Variants in RERE observed in about 807,000 individuals in gnomAD.
The protein encoded by RERE is arginine-glutamic acid dipeptide repeats, also known as arginine-glutamic acid dipeptide repeats protein.
Under a neutral mutation model 146.1 loss-of-function variants are expected in RERE, and 40 were observed. The ratio of observed to expected loss-of-function variants is 0.27; its 90% CI spans 0.21 to 0.36. The LOEUF (loss-of-function observed/expected upper bound fraction) is 0.36. RERE is among the 10% of genes least tolerant of loss of function. The pLI is 1.00. For missense variants in RERE, 1,933 were observed against 2,138.7 expected, an observed-to-expected ratio of 0.90 and a Z score of 1.90; for synonymous variants, 1,003 against 866.0, an observed-to-expected ratio of 1.16 and a Z score of -2.78.
chr1:8,740,198 A>T (rs1640280987), intron 1 of RERE, among the ~76,000 whole-genome samples: 1 of 152,236 alleles, frequency 6.6e-6, no homozygotes, highest in Admixed American at 6.5e-5. Flanking sequence ...TGTGAACATG[A>T]TAGAGTGTAG....
At chr1:8,401,069 A>ATATATATATG (rs761609705) in intron 12 of RERE, among the ~76,000 whole-genome samples, 338 of 85,052 alleles carry the variant, frequency 4.0e-3, no homozygotes, top group Non-Finnish European at 6.1e-3. Flanking sequence ...ATATATATAT[A>ATATATATATG]TATGTCACTT....
intron 7 of RERE, among the ~76,000 whole-genome samples, chr1:8,538,772 A>C (rs1645759614): frequency 2.0e-5 from 3 of 152,244 alleles, no homozygotes; most frequent in African/African-American, 7.2e-5. Context: ...TGTAGAAGAA[A>C]ATCAGTGGTG....
chr1:8,515,616 G>T (rs1386673892), intron 7 of RERE, among the ~76,000 whole-genome samples: 2 of 152,070 alleles, frequency 1.3e-5, no homozygotes, highest in Non-Finnish European at 2.9e-5. Context: ...GAGTGACAGA[G>T]CAAGACTGTC....
chr1:8,673,333 T>C (rs1570592796), intron 1 of RERE, among the ~76,000 whole-genome samples: 1 of 152,138 alleles, frequency 6.6e-6, no homozygotes, highest in Non-Finnish European at 1.5e-5. Flanking sequence ...TGACCTCAGG[T>C]GATCCACCTG....
chr1:8,695,324 T>TA (rs1003158068), intron 1 of RERE, among the ~76,000 whole-genome samples: 22 of 151,912 alleles, frequency 1.4e-4, no homozygotes, highest in Non-Finnish European at 2.8e-4. Context: ...GAAGAAAACC[T>TA]AAAAAACACC....
chr1:8,562,603 CTCAGCCTCCTGAGTAAG>C (rs1646091823), intron 4 of RERE, among the ~76,000 whole-genome samples: 1 of 152,178 alleles, frequency 6.6e-6, no homozygotes, highest in Non-Finnish European at 1.5e-5. Context: ...ATCCTCCCGC[CTCAGCCTCCTGAGTAAG>C]TAGGAACACA....
chr1:8,570,451 A>C (rs767170967), intron 4 of RERE, among the ~76,000 whole-genome samples: 6 of 152,210 alleles, frequency 3.9e-5, no homozygotes, highest in Non-Finnish European at 8.8e-5. Context: ...AAATAACTAT[A>C]ATTTTTAGAA....
intron 4 of RERE, among the ~76,000 whole-genome samples, chr1:8,577,753 A>G (rs758523344): frequency 4.6e-5 from 7 of 152,186 alleles, no homozygotes; most frequent in Non-Finnish European, 1.0e-4. Flanking sequence ...TTATCACTAC[A>G]TCTTATTCAT....
At chr1:8,506,769 A>ACCTC (rs1557664091) in intron 8 of RERE, among the ~76,000 whole-genome samples, 1 of 152,244 alleles carries the variant, frequency 6.6e-6, no homozygotes, top group Non-Finnish European at 1.5e-5. Flanking sequence ...AAGAAGTCCA[A>ACCTC]TTCTTTCTTC....
chr1:8,597,161 C>T (rs1646564878), intron 4 of RERE, among the ~76,000 whole-genome samples: 1 of 150,980 alleles, frequency 6.6e-6, no homozygotes, highest in South Asian at 2.1e-4. Flanking sequence ...GATCGTGGCT[C>T]ACTGCAGCCT....
intron 2 of RERE, among the ~76,000 whole-genome samples, chr1:8,640,126 A>G (rs1315044567): frequency 7.3e-5 from 11 of 151,420 alleles, no homozygotes; most frequent in Non-Finnish European, 1.5e-4. Flanking sequence ...TTGCACTCCA[A>G]CCTGGGTGAC....
rs76790217 is a variant in RERE, at chr1:8,632,314, G to C, written c.326-7934C>G. ...TTCTGGTGTCACATCCTGCAGCGCA[G>C]ATTTCAAGCAACACTGCTTGCTCCT... On this transcript the variant is annotated intron_variant, in intron 2 of 22. Coordinates refer to ENST00000400908, the MANE Select transcript of RERE (RefSeq NM_001042681.2). Among the ~76,000 whole-genome samples, 1,449 of 152,326 alleles carry C rather than the reference G, an allele frequency of 9.5e-3. 24 individuals carry two copies. The highest frequency in any genetic ancestry group is 0.034 in the African/African-American group (1,393 of 41,572).
chr1:8,422,139 T>G (rs1394779998), intron 12 of RERE, among the ~76,000 whole-genome samples: 1 of 152,240 alleles, frequency 6.6e-6, no homozygotes, highest in Non-Finnish European at 1.5e-5. Flanking sequence ...GACCCCCAGC[T>G]TTGTGAAATA....
intron 1 of RERE, among the ~76,000 whole-genome samples, chr1:8,780,937 T>C (rs902132320): frequency 1.3e-5 from 2 of 151,860 alleles, no homozygotes; most frequent in African/African-American, 2.4e-5. Flanking sequence ...TAAAGAACCA[T>C]GAGGCCAGGC....
intron 1 of RERE, among the ~76,000 whole-genome samples, chr1:8,793,802 CACCT>C (rs1313922266): frequency 6.6e-6 from 1 of 152,202 alleles, no homozygotes; most frequent in Non-Finnish European, 1.5e-5. Context: ...GGTACTATAA[CACCT>C]GTCATCCCAG....
rs146576005 is a variant in RERE, at chr1:8,483,339, G to A, written c.1104+11724C>T. Among the ~76,000 whole-genome samples, 635 of 152,278 alleles carry A rather than the reference G, an allele frequency of 4.2e-3. 5 individuals are homozygous for A. The highest frequency in any genetic ancestry group is 0.014 in the African/African-American group (601 of 41,558). Reference sequence around the variant, plus strand: ...GGGAAAACTTATGAAAGGGCCTCCCGGCAATGCCTTATTTGGGAGCTGAGA... The same window carrying A: ...GGGAAAACTTATGAAAGGGCCTCCCAGCAATGCCTTATTTGGGAGCTGAGA... On this transcript the variant is annotated intron_variant, in intron 10 of 22. Coordinates refer to ENST00000400908, the MANE Select transcript of RERE (RefSeq NM_001042681.2).
chr1:8,663,214 C>T (rs558794231), intron 1 of RERE, among the ~76,000 whole-genome samples: 4 of 151,996 alleles, frequency 2.6e-5, no homozygotes, highest in Non-Finnish European at 4.4e-5. Flanking sequence ...TTCACTTATC[C>T]ATGGAAATCT....
intron 12 of RERE, among the ~76,000 whole-genome samples, chr1:8,369,533 A>AG (rs1641950463): frequency 4.1e-5 from 6 of 147,648 alleles, no homozygotes; most frequent in Admixed American, 3.4e-4. Context: ...AAAAAAAAAA[A>AG]AAAAGAAGAA....
At chr1:8,802,966 G>A (rs1445605033) in intron 1 of RERE, among the ~76,000 whole-genome samples, 1 of 152,082 alleles carries the variant, frequency 6.6e-6, no homozygotes. Flanking sequence ...CTCCTGAAAA[G>A]GCAATAACTA....
Sources: allele counts gnomAD v4.1 joint callset (sites outside exome capture counted in the v4.1 genomes callset), GRCh38; gene constraint gnomAD v4.1.1; transcripts MANE v1.5; gene names NCBI Gene and HGNC (gene_info 2026-07-23, HGNC 2026-07-21).